ASTN2: variants seen among roughly 807,000 people sequenced by gnomAD.
The protein encoded by ASTN2 is astrotactin-2.
ASTN2 carries 54 observed loss-of-function variants against 139.8 expected under a neutral mutation model. That is an observed-to-expected ratio of 0.39 (90% CI 0.31 to 0.48). The LOEUF (loss-of-function observed/expected upper bound fraction) is 0.48. ASTN2 is among the 20% of genes least tolerant of loss of function. The pLI, the probability that ASTN2 is intolerant of heterozygous loss-of-function variation, is 0.95. For synonymous variants in ASTN2, 756 were observed against 719.5 expected, an observed-to-expected ratio of 1.05 and a Z score of -0.81; for missense variants, 1,565 against 1,725.1, an observed-to-expected ratio of 0.91 and a Z score of 1.64.
In ASTN2 at chr9:117,214,663, C is replaced by A; in HGVS notation, c.710G>T (p.Arg237Leu). Residue 237 changes from arginine (R) to leucine (L), a missense_variant, in exon 3 of 23, where the codon CGC (arginine) becomes CTC (leucine). Arg to Leu is a moderately radical substitution (Grantham distance 102). This residue lies in a region of ASTN2 where 596 missense variants were observed against 576.8 expected (regional missense o/e 1.03). Transcript: ENST00000313400. ...LYAQRRWQKR[R>L]RIPQKSASTE... ...GCTTGCGCTCTTCTGGGGGATGCGG[C>A]GACGCTTCTGCCAACGTCGCTGGGC... 4 of 1,543,616 alleles carry A rather than the reference C, an allele frequency of 2.6e-6. No homozygotes were observed. In the African/African-American group the frequency reaches 5.4e-5, roughly 21 times the overall value.
At chr9:117,260,289 G>C (rs111887390) in intron 2 of ASTN2, among the ~76,000 whole-genome samples, 8 of 152,198 alleles carry the variant, frequency 5.3e-5, no homozygotes, top group South Asian at 2.1e-4. Flanking sequence ...CATGTGAACA[G>C]AGGGCAAAAG....
Position 116,725,833 on chromosome 9 carries a change from G to A in ASTN2, c.2744C>T (p.Thr915Ile), listed in dbSNP as rs965616986. 6.2e-7 allele frequency: 1 copy of A among 1,613,872 alleles called. No homozygotes were observed. The highest frequency in any genetic ancestry group is 8.5e-7 in the Non-Finnish European group (1 of 1,180,030). Residue 915 changes from threonine (T) to isoleucine (I), a missense_variant, in exon 16 of 23, where the codon ACC becomes ATC. Thr to Ile is a moderately conservative substitution (Grantham distance 89, BLOSUM62 -1). Coordinates refer to ENST00000313400, the MANE Select transcript of ASTN2 (RefSeq NM_001365068.1). Reference sequence around the variant, plus strand: ...CTTGCTGGGAAAGTGGATGATGCAGGTGAGCTCTGAGCCATAGAGGGCCTC... The same window carrying A: ...CTTGCTGGGAAAGTGGATGATGCAGATGAGCTCTGAGCCATAGAGGGCCTC... ...IAEALYGSEL[T>I]CIIHFPSKKV...
intron 16 of ASTN2, among the ~76,000 whole-genome samples, chr9:116,702,415 A>G (rs528280442): frequency 6.6e-6 from 1 of 152,202 alleles, no homozygotes; most frequent in South Asian, 2.1e-4. Flanking sequence ...CTTTCCCCTC[A>G]CAAGTCTCCA....
At position 116,600,937 on chromosome 9, in the gene ASTN2, G is replaced by A. The variant is rs75988047; in HGVS notation, c.3355+17387C>T. Among the ~76,000 whole-genome samples the A allele has an allele frequency of 8.5e-3, 1,300 of 152,150 alleles. 7 individuals carry two copies. The highest frequency in any genetic ancestry group is 0.015 in the Non-Finnish European group (1,017 of 68,002). ...GAGTGCTTACTATGTGCCTGGCAAT[G>A]TACTAGGCACTGGGGATAGGGTGAT... On this transcript the variant is annotated intron_variant, in intron 19 of 22. Coordinates refer to ENST00000313400, the MANE Select transcript of ASTN2 (RefSeq NM_001365068.1).
intron 16 of ASTN2, among the ~76,000 whole-genome samples, chr9:116,683,697 G>A (rs1860026645): frequency 6.6e-6 from 1 of 152,084 alleles, no homozygotes; most frequent in African/African-American, 2.4e-5. Flanking sequence ...TAACAAATGA[G>A]TAAAAAATAC....
intron 19 of ASTN2, chr9:116,611,833 A>T (rs1855554515): frequency 6.6e-6 from 1 of 152,168 alleles, no homozygotes; most frequent in Non-Finnish European, 1.5e-5. Flanking sequence ...TTAAGAAAAA[A>T]ATACTATCAA....
chr9:117,241,369 G>A (rs185233312), intron 2 of ASTN2, among the ~76,000 whole-genome samples: 2 of 152,222 alleles, frequency 1.3e-5, no homozygotes, highest in Admixed American at 1.3e-4. Flanking sequence ...AGTGCAAGCA[G>A]GGAGAATCTT....
intron 4 of ASTN2, among the ~76,000 whole-genome samples, chr9:117,105,115 C>A (rs1052494289): frequency 2.0e-5 from 3 of 152,094 alleles, no homozygotes; most frequent in African/African-American, 4.8e-5. Flanking sequence ...TGCAATGAGA[C>A]CTTCGCCACA....
At chr9:117,086,874 C>T (rs577884994) in intron 5 of ASTN2, among the ~76,000 whole-genome samples, 37 of 152,308 alleles carry the variant, frequency 2.4e-4, no homozygotes, top group Middle Eastern at 6.8e-3. Context: ...GAGTAGCAGG[C>T]TGATCTGCCC....
At chr9:116,755,679 G>A (rs1829514257) in intron 13 of ASTN2, among the ~76,000 whole-genome samples, 1 of 152,232 alleles carries the variant, frequency 6.6e-6, no homozygotes, top group African/African-American at 2.4e-5. Context: ...TGGCAAAAGG[G>A]ACTTTGCAGA....
chr9:116,439,077 G>C (rs1349621603), intron 22 of ASTN2, among the ~76,000 whole-genome samples: 1 of 151,152 alleles, frequency 6.6e-6, no homozygotes, highest in African/African-American at 2.4e-5. Context: ...TTTTTGTCTT[G>C]TTCCACTTTT....
chr9:116,650,385 AC>A (rs1857840047), intron 17 of ASTN2, among the ~76,000 whole-genome samples: 1 of 152,134 alleles, frequency 6.6e-6, no homozygotes, highest in African/African-American at 2.4e-5. Context: ...AAGTGAGAGA[AC>A]CGAAGAGAAA....
At chr9:117,269,682 C>T (rs1834019161) in intron 2 of ASTN2, among the ~76,000 whole-genome samples, 1 of 152,224 alleles carries the variant, frequency 6.6e-6, no homozygotes, top group South Asian at 2.1e-4. Flanking sequence ...ATCATCATCA[C>T]AGATTATTTT....
At chr9:116,874,011 A>C (rs1265946858) in intron 10 of ASTN2, among the ~76,000 whole-genome samples, 1 of 152,198 alleles carries the variant, frequency 6.6e-6, no homozygotes, top group Non-Finnish European at 1.5e-5. Flanking sequence ...ATAGCAATGC[A>C]GAAACAAACG....
In ASTN2 at chr9:116,699,320, C is replaced by A; in HGVS notation, c.2806+26451G>T. On this transcript the variant is annotated intron_variant, in intron 16 of 22. Transcript: ENST00000313400. The surrounding 1 kb of genome is among the most constrained non-coding windows in gnomAD (Gnocchi z 4.2). ...TTGTCACCTGTGATGCTGAGGGCAC[C>A]GTCTACTTCACCCAGGGCTTAGGCC... The A allele has an allele frequency of 6.2e-7, 1 of 1,614,132 alleles. No homozygotes were observed. Among genetic ancestry groups the A allele is most frequent in the Non-Finnish European group, 8.5e-7 (1 of 1,180,024 alleles).
intron 3 of ASTN2, among the ~76,000 whole-genome samples, chr9:117,173,653 A>G (rs138129531): frequency 6.6e-6 from 1 of 152,102 alleles, no homozygotes; most frequent in Admixed American, 6.6e-5. Context: ...ATAATAAAAA[A>G]ATAGAATTAA....
chr9:116,438,807 G>A (rs997942370), intron 22 of ASTN2, among the ~76,000 whole-genome samples: 5 of 152,150 alleles, frequency 3.3e-5, no homozygotes, highest in South Asian at 2.1e-4. Flanking sequence ...AAAATTAGCC[G>A]GGCCTGGTGG....
At chr9:117,225,949 T>G (rs2133046515) in intron 2 of ASTN2, among the ~76,000 whole-genome samples, 1 of 152,270 alleles carries the variant, frequency 6.6e-6, no homozygotes, top group African/African-American at 2.4e-5. Context: ...TACACAGGTA[T>G]GCCCTTGAAG....
chr9:116,699,601 T>C lies in ASTN2; in HGVS notation c.2806+26170A>G, dbSNP rs1214203952. ...ATTCGAGAGGGACTTACCTGTCCGG[T>C]GGGCATAGCCCTAACTCCTAAGGGG... is the stretch of plus-strand genomic sequence containing the variant. On this transcript the variant is annotated intron_variant, in intron 16 of 22. Transcript: ENST00000313400. This position sits in a 1 kb window ranked among gnomAD's most constrained non-coding sequence, Gnocchi z 4.2. 1 of 1,614,222 alleles carries C rather than the reference T, an allele frequency of 6.2e-7. No individual in the cohort carries two copies. Among genetic ancestry groups the C allele is most frequent in the Admixed American group, 1.7e-5 (1 of 60,034 alleles).
Sources: gnomAD v4.1 joint callset for allele counts (sites outside exome capture counted in the v4.1 genomes callset) on GRCh38, gnomAD v4.1.1 for gene constraint, gnomAD v4.1.1 regional missense constraint, Gnocchi (gnomAD v3.1) non-coding constraint, MANE v1.5 for transcripts, NCBI Gene and HGNC (gene_info 2026-07-23, HGNC 2026-07-21) for gene names.